Variants in PKIB observed in about 807,000 individuals in gnomAD.
PKIB encodes PKI-beta.
In PKIB, 2 loss-of-function variants were observed where a neutral mutation model predicts 4.5. The ratio of observed to expected loss-of-function variants is 0.44; its 90% CI spans 0.18 to 1.39. The LOEUF is 1.39. PKIB is among the 40% of genes most tolerant of loss of function. The pLI, the probability that PKIB is intolerant of heterozygous loss-of-function variation, is 0.27. For synonymous variants in PKIB, 38 were observed against 36.0 expected (o/e 1.06, Z -0.20); for missense variants, 94 against 92.6 (o/e 1.02, Z -0.06).
At chr6:122,638,897 A>C (rs1030083719) in intron 2 of PKIB, among the ~76,000 whole-genome samples, 2 of 152,190 alleles carry the variant, frequency 1.3e-5, no homozygotes, top group Non-Finnish European at 2.9e-5. Context: ...CCTGAAACTA[A>C]AAAAAGACTA....
At chr6:122,720,832 G>C (rs951537865) in intron 4 of PKIB, among the ~76,000 whole-genome samples, 2 of 151,902 alleles carry the variant, frequency 1.3e-5, no homozygotes, top group Non-Finnish European at 2.9e-5. Context: ...CTCCTGAGTA[G>C]CTGGGATTAC....
At chr6:122,635,936 A>C (rs1032028822) in intron 2 of PKIB, among the ~76,000 whole-genome samples, 7 of 152,174 alleles carry the variant, frequency 4.6e-5, no homozygotes, top group Non-Finnish European at 1.5e-5. Context: ...TTCATCACTT[A>C]TAATTAATAT....
chr6:122,713,664 C>T (rs899599284), intron 3 of PKIB, among the ~76,000 whole-genome samples: 1 of 152,124 alleles, frequency 6.6e-6, no homozygotes, highest in Non-Finnish European at 1.5e-5. Flanking sequence ...CAAAATGTTA[C>T]TTTTAGAGCC....
chr6:122,576,631 T>C (rs1773538031), intron 2 of PKIB, among the ~76,000 whole-genome samples: 1 of 115,510 alleles, frequency 8.7e-6, no homozygotes, highest in Non-Finnish European at 1.6e-5. Context: ...ATGGCGCCAC[T>C]ACACTCCAGC....
At chr6:122,636,199 G>A (rs1177696956) in intron 2 of PKIB, among the ~76,000 whole-genome samples, 1 of 151,986 alleles carries the variant, frequency 6.6e-6, no homozygotes, top group Non-Finnish European at 1.5e-5. Context: ...AACTCATGTG[G>A]TTTGATCTAT....
chr6:122,558,860 A>G (rs1040906597), intron 2 of PKIB, among the ~76,000 whole-genome samples: 2 of 152,206 alleles, frequency 1.3e-5, no homozygotes, highest in African/African-American at 4.8e-5. Context: ...CCGGAGCAGT[A>G]TACATTGCAC....
chr6:122,703,851 A>G (rs1036401396), intron 3 of PKIB, among the ~76,000 whole-genome samples: 2 of 149,958 alleles, frequency 1.3e-5, no homozygotes, highest in Admixed American at 6.7e-5. Flanking sequence ...ATGTATATAT[A>G]TGTAAAAGCT....
upstream of PKIB, among the ~76,000 whole-genome samples, chr6:122,607,345 A>G (rs1224090548): frequency 6.6e-6 from 1 of 152,010 alleles, no homozygotes; most frequent in Admixed American, 6.6e-5. Context: ...AAACAAAAAA[A>G]CAAAACAAAA....
chr6:122,559,330 C>A (rs1772949560), intron 2 of PKIB, among the ~76,000 whole-genome samples: 2 of 151,420 alleles, frequency 1.3e-5, no homozygotes, highest in Admixed American at 6.6e-5. Flanking sequence ...ATGTTTTTGT[C>A]TGCTTTGTCA....
At chr6:122,617,925 G>A (rs1338539041) in intron 1 of PKIB, among the ~76,000 whole-genome samples, 2 of 151,988 alleles carry the variant, frequency 1.3e-5, no homozygotes, top group Non-Finnish European at 2.9e-5. Flanking sequence ...ATGTAACAAT[G>A]GTGTACAGTT....
At chr6:122,614,307 G>A (rs984419411) in intron 1 of PKIB, among the ~76,000 whole-genome samples, 3 of 152,208 alleles carry the variant, frequency 2.0e-5, no homozygotes, top group African/African-American at 7.2e-5. Flanking sequence ...CAAGGAAATG[G>A]AGATTCTTTA....
At chr6:122,636,931 GA>G (rs1303817294) in intron 2 of PKIB, among the ~76,000 whole-genome samples, 1 of 152,110 alleles carries the variant, frequency 6.6e-6, no homozygotes, top group Non-Finnish European at 1.5e-5. Context: ...TAATGCATAA[GA>G]AAGACCACAT....
intron 2 of PKIB, among the ~76,000 whole-genome samples, chr6:122,670,926 T>G (rs1028535517): frequency 1.3e-5 from 2 of 152,234 alleles, no homozygotes; most frequent in Non-Finnish European, 2.9e-5. Context: ...AGTGGATACA[T>G]TTTAACTTTC....
Position 122,717,884 on chromosome 6 carries a change from A to C in PKIB, c.90A>C (p.Leu30Phe). 1 of 1,614,166 alleles carries C rather than the reference A, an allele frequency of 6.2e-7. No individual in the cohort carries two copies. Among genetic ancestry groups the C allele is most frequent in the South Asian group, 1.1e-5 (1 of 91,082 alleles). ...SSARAGRRNALPDIQSSAATD... is the reference protein window; with the variant it reads ...SSARAGRRNAFPDIQSSAATD... ...CAAGGGCAGGCCGCCGGAATGCCTT[A>C]CCAGACATCCAGAGTTCAGCTGCCA... The change falls in exon 4 of 5, where the codon TTA becomes TTC. Residue 30 changes from leucine to phenylalanine, a missense_variant. By Grantham distance (22) the Leu-to-Phe change is conservative. Coordinates refer to ENST00000368452, the MANE Select transcript of PKIB (RefSeq NM_181795.3).
chr6:122,643,366 A>G (rs1031571378), intron 2 of PKIB: 1 of 152,206 alleles, frequency 6.6e-6, no homozygotes, highest in African/African-American at 2.4e-5. Context: ...GCACATTTAT[A>G]AGATAATTAA....
chr6:122,519,071 C>A (rs1474446143), intron 2 of PKIB, among the ~76,000 whole-genome samples: 2 of 152,090 alleles, frequency 1.3e-5, no homozygotes, highest in Non-Finnish European at 2.9e-5. Flanking sequence ...CTAGGGGTAC[C>A]AGTCCGTGGG....
At chr6:122,571,711 C>T (rs981444203) in intron 2 of PKIB, among the ~76,000 whole-genome samples, 14 of 152,176 alleles carry the variant, frequency 9.2e-5, no homozygotes, top group Non-Finnish European at 1.8e-4. Flanking sequence ...ACCAAACCAG[C>T]ACTACAATAA....
intron 2 of PKIB, among the ~76,000 whole-genome samples, chr6:122,546,498 A>G (rs1772498227): frequency 6.6e-6 from 1 of 152,122 alleles, no homozygotes; most frequent in Non-Finnish European, 1.5e-5. Context: ...TAAATGAAAC[A>G]TTATGGAGCT....
chr6:122,662,767 G>A (rs796563477), intron 2 of PKIB, among the ~76,000 whole-genome samples: 3 of 152,286 alleles, frequency 2.0e-5, no homozygotes, highest in African/African-American at 7.2e-5. Flanking sequence ...AATTATTACT[G>A]TCACTTTACT....
Sources: allele counts gnomAD v4.1 joint callset (sites outside exome capture counted in the v4.1 genomes callset), GRCh38; gene constraint gnomAD v4.1.1; transcripts MANE v1.5; gene names NCBI Gene and HGNC (gene_info 2026-07-23, HGNC 2026-07-21).